Variants in DPP8 observed in about 807,000 individuals in gnomAD.
The protein encoded by DPP8 is DPP VIII.
Under a neutral mutation model 107.5 loss-of-function variants are expected in DPP8, and 31 were observed. That is an observed-to-expected ratio of 0.29 (90% confidence interval 0.22 to 0.39). DPP8 has a LOEUF of 0.39. Among genes scored for constraint, DPP8 ranks in the 10% least tolerant of loss-of-function variants. The pLI, the probability that DPP8 is intolerant of heterozygous loss-of-function variation, is 1.00. For missense variants in DPP8, 842 were observed against 1,076.1 expected (o/e 0.78, Z 3.04); for synonymous variants, 381 against 356.6 (o/e 1.07, Z -0.77).
intron 7 of DPP8, among the ~76,000 whole-genome samples, chr15:65,486,736 G>C (rs914460929): frequency 6.6e-6 from 1 of 152,154 alleles, no homozygotes; most frequent in Non-Finnish European, 1.5e-5. Context: ...CTCAAGAATG[G>C]AAAACCAAGT....
At chr15:65,463,972 A>C in intron 14 of DPP8, 66 bp from the exon 15 acceptor site, 1 of 1,259,960 alleles carries the variant, frequency 7.9e-7, no homozygotes, top group Non-Finnish European at 1.1e-6. Context: ...ATCTGGGAAC[A>C]AGAAACAAGA....
At chr15:65,490,886 G>C (rs980283999) in intron 5 of DPP8, among the ~76,000 whole-genome samples, 1 of 152,040 alleles carries the variant, frequency 6.6e-6, no homozygotes, top group Admixed American at 6.6e-5. Context: ...GAGGCCAGGC[G>C]TGGTGGCTCA....
Position 65,446,656 on chromosome 15 carries a change from C to A in DPP8, c.*228G>T. ...TTTTTTAGTAATTCTTATGGTATTG[C>A]TGGGTCTCTCAGGAATATGTATCAT... On this transcript the variant is annotated 3_prime_UTR_variant, in exon 20 of 20. Transcript: ENST00000300141. 2 of 147,552 alleles carry A rather than the reference C, an allele frequency of 1.4e-5. No individual in the cohort carries two copies. The highest frequency in any genetic ancestry group is 2.6e-5 in the Non-Finnish European group (2 of 76,140). 9.1% of individuals were successfully genotyped at this position (147,552 alleles called of 1,614,324 possible).
intron 5 of DPP8, among the ~76,000 whole-genome samples, chr15:65,496,876 C>T (rs987335078): frequency 6.6e-6 from 1 of 151,564 alleles, no homozygotes; most frequent in Non-Finnish European, 1.5e-5. Flanking sequence ...AAGTGATCTA[C>T]CCGCCTCAGT....
intron 19 of DPP8, 80 bp from the exon 20 acceptor site, chr15:65,447,086 T>G: frequency 1.8e-6 from 2 of 1,138,582 alleles, no homozygotes; most frequent in Non-Finnish European, 2.4e-6. Flanking sequence ...TTCCAGAGAT[T>G]TTTAACAGGA....
At chr15:65,505,313 C>A (rs1377930721) in intron 3 of DPP8, among the ~76,000 whole-genome samples, 1 of 150,576 alleles carries the variant, frequency 6.6e-6, no homozygotes, top group Non-Finnish European at 1.5e-5. Flanking sequence ...TGAGATGGCA[C>A]CACTACACTC....
rs566323117 is a variant in DPP8, at chr15:65,514,032, C to A, written c.-11-1468G>T. On this transcript the variant is annotated intron_variant, in intron 1 of 19. Transcript: ENST00000300141. ...ATACAAGGCTGTACATTTAATATAT[C>A]TTTTTTAAAGCCCAAATTTGAAGGC... Among the ~76,000 whole-genome samples the A allele has an allele frequency of 7.2e-5, 11 of 152,242 alleles. No homozygotes were observed. The South Asian group carries it at 2.3e-3, about 32-fold the overall frequency.
In DPP8 at chr15:65,497,988, G is replaced by C. The variant is rs1176496961; in HGVS notation, c.591C>G (p.Asn197Lys). 2 of 1,610,348 alleles carry C rather than the reference G, an allele frequency of 1.2e-6. No individual in the cohort carries two copies. The highest frequency in any genetic ancestry group is 1.7e-6 in the Non-Finnish European group (2 of 1,177,694). The change falls in exon 5 of 20, where the codon AAC (asparagine) becomes AAG (lysine). Residue 197 changes from asparagine (N) to lysine (K), a missense_variant. Physicochemically the swap from Asn to Lys is moderately conservative, Grantham distance 94. Coordinates refer to ENST00000300141, the MANE Select transcript of DPP8 (RefSeq NM_130434.5). ...GGCATAATTTTGGATCCATCCGTAT[G>C]TTGGGACAACTAGTTTCCACTAGAT... ...RPNLVETSCPNIRMDPKLCPA... is the reference protein window; with the variant it reads ...RPNLVETSCPKIRMDPKLCPA...
At chr15:65,453,675 G>A (rs1378911868) in intron 17 of DPP8, among the ~76,000 whole-genome samples, 1 of 152,080 alleles carries the variant, frequency 6.6e-6, no homozygotes, top group South Asian at 2.1e-4. Context: ...CCAAGATTGC[G>A]TCACTGCACT....
intron 12 of DPP8, among the ~76,000 whole-genome samples, chr15:65,469,857 A>T (rs1183017278): frequency 1.1e-4 from 16 of 151,670 alleles, no homozygotes; most frequent in Admixed American, 7.9e-4. Context: ...AGAAGCTCAT[A>T]GGCTTAAAAG....
At chr15:65,479,546 T>C (rs571990478) in intron 10 of DPP8, among the ~76,000 whole-genome samples, 3 of 152,342 alleles carry the variant, frequency 2.0e-5, no homozygotes, top group African/African-American at 7.2e-5. Flanking sequence ...CAAAATTCAA[T>C]TAAGAATTGG....
At chr15:65,510,971 G>A (rs2141104131) in intron 2 of DPP8, among the ~76,000 whole-genome samples, 1 of 152,298 alleles carries the variant, frequency 6.6e-6, no homozygotes, top group South Asian at 2.1e-4. Flanking sequence ...CACTACTGGT[G>A]TATGCATGGA....
At chr15:65,508,188 C>T (rs368935766) in intron 2 of DPP8, among the ~76,000 whole-genome samples, 137 of 151,140 alleles carry the variant, frequency 9.1e-4, no homozygotes, top group African/African-American at 3.2e-3. Flanking sequence ...TGCAGTGAGC[C>T]GAGATCACAC....
intron 13 of DPP8, 42 bp downstream of exon 13, chr15:65,467,029 G>C (rs1357899080): frequency 6.2e-7 from 1 of 1,608,380 alleles, no homozygotes; most frequent in Admixed American, 1.7e-5. Context: ...TAAGCAGAGA[G>C]TTTTAATATG....
intron 16 of DPP8, chr15:65,455,961 G>A: frequency 1.1e-6 from 1 of 926,004 alleles, no homozygotes; most frequent in Non-Finnish European, 1.5e-6. Flanking sequence ...AAAGCTAAAT[G>A]GTGCTAAATT....
intron 14 of DPP8, among the ~76,000 whole-genome samples, chr15:65,464,383 T>A (rs751015199): frequency 2.1e-4 from 30 of 142,750 alleles, no homozygotes; most frequent in Non-Finnish European, 3.7e-4. Context: ...ATAAATAATT[T>A]AAAAAAAACA....
chr15:65,475,621 G>A, intron 11 of DPP8: 2 of 934,674 alleles, frequency 2.1e-6, no homozygotes, highest in Non-Finnish European at 1.7e-6. Context: ...TTTCAACAAG[G>A]CATTTCTTCT....
At position 65,442,516 on chromosome 15, in the gene DPP8, A is replaced by G. The variant is rs964522226; in HGVS notation, c.*4368T>C. On this transcript the variant is annotated 3_prime_UTR_variant, in exon 20 of 20. Coordinates refer to ENST00000300141, the MANE Select transcript of DPP8 (RefSeq NM_130434.5). ...CAACAAAGAACCTGTAATAAAATGC[A>G]AGAAAACTAATGTTTCACTTTACAT... 6.6e-6 allele frequency: 1 copy of G among 152,234 alleles called. No individual in the cohort carries two copies. The highest frequency in any genetic ancestry group is 1.5e-5 in the Non-Finnish European group (1 of 68,044). 9.4% of individuals were successfully genotyped at this position (152,234 alleles called of 1,614,324 possible).
intron 4 of DPP8, among the ~76,000 whole-genome samples, chr15:65,498,905 A>G (rs1171359916): frequency 2.0e-5 from 3 of 151,988 alleles, no homozygotes; most frequent in Non-Finnish European, 4.4e-5. Context: ...AATTTTTTAA[A>G]TTAGTAATTG....
Sources: allele counts gnomAD v4.1 joint callset (sites outside exome capture counted in the v4.1 genomes callset), GRCh38; gene constraint gnomAD v4.1.1; transcripts MANE v1.5; gene names NCBI Gene and HGNC (gene_info 2026-07-23, HGNC 2026-07-21).